The following ITGAL variants were observed in gnomAD, a reference collection of about 807,000 sequenced individuals.
ITGAL encodes integrin alpha-L.
ITGAL carries 68 observed loss-of-function variants against 138.4 expected under a neutral mutation model. The observed-to-expected ratio is 0.49, with a 90% CI of 0.40 to 0.60. The LOEUF (loss-of-function observed/expected upper bound fraction) is 0.60. Ranked by LOEUF, ITGAL falls within the 20% of genes least tolerant of loss-of-function variation. The pLI is 0.00. For missense variants in ITGAL, 1,256 were observed against 1,478.6 expected (o/e 0.85, Z 2.47); for synonymous variants, 561 against 584.3 (o/e 0.96, Z 0.57).
chr16:30,520,911 C>G (rs558985069), intron 30 of ITGAL, among the ~76,000 whole-genome samples: 1 of 152,238 alleles, frequency 6.6e-6, no homozygotes, highest in South Asian at 2.1e-4. Context: ...ATGGAGAAAC[C>G]CTGTCTCTAC....
Position 30,479,121 on chromosome 16 carries a change from G to A in ITGAL, c.358G>A (p.Asp120Asn). 6.2e-7 allele frequency: 1 copy of A among 1,614,108 alleles called. No homozygotes were observed. Among genetic ancestry groups the A allele is most frequent in the Non-Finnish European group, 8.5e-7 (1 of 1,180,030 alleles). The change falls in exon 5 of 31, where the codon GAC (aspartate) becomes AAC (asparagine). Residue 120 changes from aspartate to asparagine, a missense_variant. Physicochemically the swap from Asp to Asn is conservative, Grantham distance 23 (BLOSUM62 1). Transcript: ENST00000356798. Reference sequence around the variant, plus strand: ...TGACCCTGGGCTGTCTCGAACGTGTGACCAGAACACCTATCTGAGTGGCCT... The same window carrying A: ...TGACCCTGGGCTGTCTCGAACGTGTAACCAGAACACCTATCTGAGTGGCCT... ...ACDPGLSRTC[D>N]QNTYLSGLCY...
At position 30,513,025 on chromosome 16, in the gene ITGAL, C is replaced by T. The variant is rs548698685; in HGVS notation, c.2787-746C>T. ...CTCCAGTGCTTTTGAACATCAATGCCACACAGTATGATACTGACATGAAAT... is the reference window on the plus strand; with the variant it reads ...CTCCAGTGCTTTTGAACATCAATGCTACACAGTATGATACTGACATGAAAT... On this transcript the variant is annotated intron_variant, in intron 24 of 30. Transcript: ENST00000356798. Among the ~76,000 whole-genome samples the T allele has an allele frequency of 3.9e-5, 6 of 152,260 alleles. 1 individual carries two copies. The highest frequency in any genetic ancestry group is 1.4e-4 in the African/African-American group (6 of 41,550).
At chr16:30,475,715 G>A in intron 4 of ITGAL, 135 bp downstream of exon 4, 79 of 323,708 alleles carry the variant, frequency 2.4e-4, no homozygotes, top group Non-Finnish European at 3.5e-4. Flanking sequence ...TGTTTATTGA[G>A]AACCAATGAT....
chr16:30,473,014 G>T (rs1005258092), intron 1 of ITGAL, 116 bp downstream of exon 1: 2 of 902,902 alleles, frequency 2.2e-6, no homozygotes, highest in Non-Finnish European at 3.6e-6. Context: ...TTGGCCTTAG[G>T]GATATGGGGC....
Position 30,475,408 on chromosome 16 carries a change from A to G in ITGAL, c.259+8A>G. On this transcript the variant is annotated splice_region_variant and intron_variant, in intron 3 of 30. Transcript: ENST00000356798. Reference sequence around the variant, plus strand: ...TGCCAGTCACCCTGAGAGGTGAGTAACTGGGGGGTGAGCTGGGAGGAATGG... The same window carrying G: ...TGCCAGTCACCCTGAGAGGTGAGTAGCTGGGGGGTGAGCTGGGAGGAATGG... 5 of 1,610,416 alleles carry G rather than the reference A, an allele frequency of 3.1e-6. No homozygotes were observed. Among genetic ancestry groups the G allele is most frequent in the Non-Finnish European group, 4.2e-6 (5 of 1,176,702 alleles).
intron 25 of ITGAL, among the ~76,000 whole-genome samples, chr16:30,514,092 G>A: frequency 6.6e-6 from 1 of 152,138 alleles, no homozygotes; most frequent in East Asian, 1.9e-4. Flanking sequence ...GATGCTGAGA[G>A]AGAACCTGCT....
chr16:30,510,307 G>A (rs1482064707), intron 21 of ITGAL, 54 bp from the exon 22 acceptor site: 1 of 1,050,688 alleles, frequency 9.5e-7, no homozygotes, highest in Non-Finnish European at 1.5e-6. Context: ...GGTGGCCTCT[G>A]GGGGAAACTT....
At chr16:30,485,364 C>T (rs1250908463) in intron 9 of ITGAL, among the ~76,000 whole-genome samples, 2 of 144,222 alleles carry the variant, frequency 1.4e-5, no homozygotes, top group Admixed American at 1.4e-4. Context: ...GCAGCTGGGA[C>T]TACAGGCGCC....
At position 30,499,346 on chromosome 16, in the gene ITGAL, G is replaced by C. The variant is rs1180325958; in HGVS notation, c.2002G>C (p.Val668Leu). The C allele has an allele frequency of 6.2e-7, 1 of 1,614,122 alleles. No homozygotes were observed. Among genetic ancestry groups the C allele is most frequent in the South Asian group, 1.1e-5 (1 of 91,086 alleles). The part of the protein sequence containing the change: ...SLIPQFQGRL[V>L]ANLTYTLQLD... ...TTTTCCGCCCTGCCCAGGCCGCCTG[G>C]TTGCCAATCTCACTTACACTCTGCA... The change falls in exon 17 of 31, where the codon GTT becomes CTT. Residue 668 changes from valine (V) to leucine (L), a missense_variant. Val to Leu is a conservative substitution (Grantham distance 32). Coordinates refer to ENST00000356798, the MANE Select transcript of ITGAL (RefSeq NM_002209.3).
intron 9 of ITGAL, among the ~76,000 whole-genome samples, chr16:30,486,325 G>A (rs530488572): frequency 3.2e-4 from 48 of 150,792 alleles, no homozygotes; most frequent in Admixed American, 8.7e-4. Flanking sequence ...TAGGAGAATC[G>A]CTTGAACCCA....
intron 25 of ITGAL, among the ~76,000 whole-genome samples, chr16:30,514,969 C>T (rs934667072): frequency 1.3e-5 from 2 of 151,826 alleles, no homozygotes; most frequent in Non-Finnish European, 2.9e-5. Flanking sequence ...AGATTACAGG[C>T]GCCCACCACC....
chr16:30,474,186 C>T lies in ITGAL; in HGVS notation c.62-10C>T, dbSNP rs756506727. On this transcript the variant is annotated splice_polypyrimidine_tract_variant and intron_variant, in intron 1 of 30. Coordinates refer to ENST00000356798, the MANE Select transcript of ITGAL (RefSeq NM_002209.3). ...CCTCGGTCGCAGCTGACGACCCTTG[C>T]CTTCCTCAGCGCCGGCCTCGAGCTA... 1.9e-6 allele frequency: 3 copies of T among 1,586,122 alleles called. No individual in the cohort carries two copies. The highest frequency in any genetic ancestry group is 2.3e-5 in the South Asian group (2 of 87,980).
Position 30,496,558 on chromosome 16 carries a change from C to A in ITGAL, c.1824C>A (p.Ile608=). ...CTGTGGGGGCTGAGAGCCAGATGAT[C>A]GTGCTGAGGTGAGATGGGTCTCCCA... ...DVAVGAESQM[I]VLSSRPVVDM... Residue 608 remains isoleucine (I), a synonymous_variant, in exon 15 of 31, where the codon ATC becomes ATA. Transcript: ENST00000356798. 1.9e-6 allele frequency: 3 copies of A among 1,612,970 alleles called. No individual in the cohort carries two copies. Among genetic ancestry groups the A allele is most frequent in the Non-Finnish European group, 2.5e-6 (3 of 1,179,424 alleles).
chr16:30,517,737 C>A lies in ITGAL; in HGVS notation c.3033+32C>A, dbSNP rs567928437. The A allele has an allele frequency of 5.6e-6, 9 of 1,612,750 alleles. No homozygotes were observed. In the African/African-American group the frequency reaches 1.2e-4, roughly 21 times the overall value. ...GCGTGTGAGCTGAGAGACGGTGGGG[C>A]TGGGCGGTACACGGGTCGGAATGAA... On this transcript the variant is annotated intron_variant, in intron 27 of 30. Transcript: ENST00000356798.
intron 21 of ITGAL, 90 bp from the exon 22 acceptor site, chr16:30,510,271 C>T (rs1391777970): frequency 5.2e-6 from 4 of 762,772 alleles, no homozygotes; most frequent in African/African-American, 5.1e-5. Flanking sequence ...GGACAGAGCC[C>T]CTGGGGGAGG....
chr16:30,474,277 G>A lies in ITGAL; in HGVS notation c.143G>A (p.Arg48His), dbSNP rs148262651. 6 of 1,607,152 alleles carry A rather than the reference G, an allele frequency of 3.7e-6. No homozygotes were observed. The Admixed American group carries it at 1.0e-4, about 27-fold the overall frequency. ...CGCGCCGGGAGGCACTTTGGATACC[G>A]CGTCCTGCAGGTCGGAAACGGGTGA... Reference protein sequence around the residue: ...PPRAGRHFGYRVLQVGNGVIV... With the variant: ...PPRAGRHFGYHVLQVGNGVIV... Residue 48 changes from arginine (R) to histidine (H), a missense_variant, in exon 2 of 31, where the codon CGC becomes CAC. Transcript: ENST00000356798.
At chr16:30,519,831 C>A in intron 29 of ITGAL, 26 bp from the exon 30 acceptor site, 1 of 1,520,936 alleles carries the variant, frequency 6.6e-7, no homozygotes, top group South Asian at 1.1e-5. Context: ...AGGCATTTTC[C>A]GGCACTCCCC....
chr16:30,506,943 G>C, intron 21 of ITGAL, 87 bp downstream of exon 21: 2 of 1,457,804 alleles, frequency 1.4e-6, no homozygotes, highest in Non-Finnish European at 1.9e-6. Flanking sequence ...AGGACAGCCT[G>C]AACACATGGG....
In ITGAL at chr16:30,495,504, C is replaced by T. The variant is rs183962816; in HGVS notation, c.1504-593C>T. ...AGATATGACCTCCCTTTCCTCATGACCACCTGCTGAGATACTACAAGCTTT... is the reference window on the plus strand; with the variant it reads ...AGATATGACCTCCCTTTCCTCATGATCACCTGCTGAGATACTACAAGCTTT... On this transcript the variant is annotated intron_variant, in intron 13 of 30. Transcript: ENST00000356798. Among the ~76,000 whole-genome samples, 15 of 152,124 alleles carry T rather than the reference C, an allele frequency of 9.9e-5. No individual in the cohort carries two copies. In the East Asian group the frequency reaches 2.9e-3, roughly 30 times the overall value.
Sources: gnomAD v4.1 joint callset for allele counts (sites outside exome capture counted in the v4.1 genomes callset) on GRCh38, gnomAD v4.1.1 for gene constraint, MANE v1.5 for transcripts, NCBI Gene and HGNC (gene_info 2026-07-23, HGNC 2026-07-21) for gene names.